Variants in BACH2 observed in about 807,000 individuals in gnomAD.
BACH2 encodes the protein transcription regulator protein BACH2.
BACH2 carries 5 observed loss-of-function variants against 61.8 expected under a neutral mutation model. The ratio of observed to expected loss-of-function variants is 0.08; its 90% CI spans 0.04 to 0.17. The LOEUF (loss-of-function observed/expected upper bound fraction) is 0.17. Among genes scored for constraint, BACH2 ranks in the 10% least tolerant of loss-of-function variants. The probability of loss-of-function intolerance (pLI) is 1.00; values close to 1 mark genes in which losing one functional copy is unlikely to be tolerated. For synonymous variants in BACH2, 446 were observed against 440.1 expected (o/e 1.01, Z -0.17); for missense variants, 824 against 1,091.1 (o/e 0.76, Z 3.45).
chr6:90,035,003 C>A (rs1038907660), intron 5 of BACH2, among the ~76,000 whole-genome samples: 1 of 152,072 alleles, frequency 6.6e-6, no homozygotes, highest in Admixed American at 6.6e-5. Context: ...TACAGGGATA[C>A]AATCACATTT....
intron 2 of BACH2, among the ~76,000 whole-genome samples, chr6:90,255,385 T>G (rs1267779155): frequency 6.6e-6 from 1 of 152,162 alleles, no homozygotes; most frequent in African/African-American, 2.4e-5. Context: ...ATCTAGTAGG[T>G]GAAAGACTCA....
At chr6:89,947,653 C>T (rs1280461687) in intron 7 of BACH2, among the ~76,000 whole-genome samples, 1 of 152,074 alleles carries the variant, frequency 6.6e-6, no homozygotes, top group East Asian at 1.9e-4. Context: ...GCAAGCTCCG[C>T]CTCCCGGGCT....
intron 2 of BACH2, among the ~76,000 whole-genome samples, chr6:90,269,686 A>G (rs1178816711): frequency 6.6e-6 from 1 of 152,172 alleles, no homozygotes; most frequent in African/African-American, 2.4e-5. Flanking sequence ...TTTCCATAAT[A>G]AAAGAGCCCT....
intron 4 of BACH2, among the ~76,000 whole-genome samples, chr6:90,102,912 T>A (rs1782720866): frequency 6.9e-6 from 1 of 145,386 alleles, no homozygotes; most frequent in East Asian, 2.0e-4. Context: ...CTAACCTACT[T>A]CTTCTTTCCA....
intron 5 of BACH2, among the ~76,000 whole-genome samples, chr6:90,031,225 T>C (rs1035662239): frequency 3.3e-5 from 5 of 152,058 alleles, no homozygotes; most frequent in African/African-American, 7.2e-5. Context: ...GAGCTATCTA[T>C]GACAAACCCA....
intron 4 of BACH2, among the ~76,000 whole-genome samples, chr6:90,134,710 T>G (rs561894946): frequency 8.5e-4 from 129 of 152,336 alleles, no homozygotes; most frequent in African/African-American, 3.0e-3. Flanking sequence ...GTCAGGGTAT[T>G]TGCTAGAGGA....
intron 8 of BACH2, 105 bp from the exon 9 acceptor site, chr6:89,932,995 T>A: frequency 7.8e-7 from 1 of 1,281,966 alleles, no homozygotes; most frequent in Non-Finnish European, 1.1e-6. Flanking sequence ...TCCATTATAA[T>A]GTAACTCAAG....
chr6:89,969,774 T>G (rs1275392782), intron 6 of BACH2, among the ~76,000 whole-genome samples: 1 of 152,148 alleles, frequency 6.6e-6, no homozygotes. Flanking sequence ...AGGCTGACAG[T>G]GCTCGGAAAA....
At chr6:90,099,218 G>C (rs1438756947) in intron 4 of BACH2, among the ~76,000 whole-genome samples, 1 of 152,110 alleles carries the variant, frequency 6.6e-6, no homozygotes, top group Non-Finnish European at 1.5e-5. Context: ...TTCGGGACAG[G>C]GTTTCTCCTC....
intron 6 of BACH2, among the ~76,000 whole-genome samples, chr6:89,984,440 T>C (rs1007286355): frequency 2.0e-5 from 3 of 151,720 alleles, no homozygotes; most frequent in African/African-American, 4.8e-5. Flanking sequence ...GCTACAGAAA[T>C]AGGTGAGGAG....
chr6:90,126,403 CA>C (rs1333723661), intron 4 of BACH2, among the ~76,000 whole-genome samples: 3 of 152,154 alleles, frequency 2.0e-5, no homozygotes, highest in Non-Finnish European at 2.9e-5. Flanking sequence ...GCAGATACGG[CA>C]CGGGCAGAAG....
intron 4 of BACH2, among the ~76,000 whole-genome samples, chr6:90,179,087 T>C (rs752434622): frequency 2.5e-4 from 38 of 152,224 alleles, no homozygotes; most frequent in Middle Eastern, 3.4e-3. Context: ...ACATTGCCAG[T>C]AAGTTTGCAA....
At chr6:89,946,493 T>C (rs1182385551) in intron 7 of BACH2, among the ~76,000 whole-genome samples, 4 of 152,214 alleles carry the variant, frequency 2.6e-5, no homozygotes, top group South Asian at 2.1e-4. Flanking sequence ...CTACTAACAG[T>C]AGGGTCACAA....
intron 4 of BACH2, among the ~76,000 whole-genome samples, chr6:90,181,463 T>C (rs1165544234): frequency 1.3e-5 from 2 of 149,406 alleles, no homozygotes; most frequent in East Asian, 3.9e-4. Flanking sequence ...AAAGTTGTTG[T>C]TTTTTTTTTA....
chr6:90,172,965 G>A lies in BACH2; in HGVS notation c.-162+33604C>T, dbSNP rs151200887. On this transcript the variant is annotated intron_variant, in intron 4 of 8. Transcript: ENST00000257749. ...ATGATCCAAATTAAAGAACTCTAAG[G>A]TTACTGAACTGTTTGAGAAAAGAAT... Among the ~76,000 whole-genome samples, 116 of 152,044 alleles carry A rather than the reference G, an allele frequency of 7.6e-4. 1 individual carries two copies. The Middle Eastern group carries it at 0.017, about 22-fold the overall frequency.
intron 4 of BACH2, among the ~76,000 whole-genome samples, chr6:90,152,501 G>C (rs1385361503): frequency 6.6e-6 from 1 of 152,162 alleles, no homozygotes; most frequent in Non-Finnish European, 1.5e-5. Context: ...AAATTCCACA[G>C]GATGATTAGA....
intron 7 of BACH2, among the ~76,000 whole-genome samples, chr6:89,942,914 T>G (rs562027652): frequency 8.9e-4 from 136 of 152,346 alleles, no homozygotes; most frequent in Non-Finnish European, 1.7e-3. Flanking sequence ...TTTAGCACGG[T>G]ACCTGCCCTG....
rs1302078847 is a variant in BACH2, at chr6:90,133,813, T to C, written c.-161-44704A>G. 2.0e-5 allele frequency among the ~76,000 whole-genome samples: 3 copies of C among 152,178 alleles called. No homozygotes were observed. The East Asian group carries it at 5.8e-4, about 29-fold the overall frequency. The stretch of plus-strand genomic sequence containing the variant: ...GGTGTTTGGTTTTTTGCCCTTGCGA[T>C]AGTTTGCTGAGAATGATGGTTTCCA... On this transcript the variant is annotated intron_variant, in intron 4 of 8. Coordinates refer to ENST00000257749, the MANE Select transcript of BACH2 (RefSeq NM_021813.4).
chr6:90,247,793 C>T (rs967778312), intron 3 of BACH2, among the ~76,000 whole-genome samples: 2 of 152,156 alleles, frequency 1.3e-5, no homozygotes, highest in African/African-American at 4.8e-5. Context: ...CTAGAATTTC[C>T]TCCCTCATAG....
Sources: gnomAD v4.1 joint callset for allele counts (sites outside exome capture counted in the v4.1 genomes callset) on GRCh38, gnomAD v4.1.1 for gene constraint, MANE v1.5 for transcripts, NCBI Gene and HGNC (gene_info 2026-07-23, HGNC 2026-07-21) for gene names.